The following ERBB4 variants were observed in gnomAD, a reference collection of about 807,000 sequenced individuals.
ERBB4 encodes the protein erb-b2 receptor tyrosine kinase 4.
ERBB4 carries 42 observed loss-of-function variants against 158.0 expected under a neutral mutation model. The observed-to-expected ratio is 0.27, with a 90% confidence interval of 0.21 to 0.34. The LOEUF (loss-of-function observed/expected upper bound fraction) is 0.34. Ranked by LOEUF, ERBB4 falls within the 10% of genes least tolerant of loss-of-function variation. The probability of loss-of-function intolerance (pLI) is 1.00; values close to 1 mark genes in which losing one functional copy is unlikely to be tolerated. For synonymous variants in ERBB4, 583 were observed against 558.7 expected, an observed-to-expected ratio of 1.04 and a Z score of -0.61; for missense variants, 1,333 against 1,624.1, an observed-to-expected ratio of 0.82 and a Z score of 3.08.
intron 19 of ERBB4, among the ~76,000 whole-genome samples, chr2:211,572,235 A>G (rs535972329): frequency 6.6e-6 from 1 of 152,218 alleles, no homozygotes; most frequent in African/African-American, 2.4e-5. Context: ...TTGACAACAT[A>G]GAGTCGTAAC....
At chr2:212,011,914 T>C in intron 2 of ERBB4, among the ~76,000 whole-genome samples, 1 of 152,234 alleles carries the variant, frequency 6.6e-6, no homozygotes. Context: ...ATTATAATTC[T>C]ATCATCTCCA....
chr2:211,674,215 T>C (rs10183152), intron 13 of ERBB4, among the ~76,000 whole-genome samples: 68,393 of 151,966 alleles, frequency 0.45, 16,232 homozygotes, highest in African/African-American at 0.54. Flanking sequence ...TGTTTAGCTA[T>C]TTTATTATTT....
At chr2:212,208,743 A>G (rs953730257) in intron 1 of ERBB4, among the ~76,000 whole-genome samples, 7 of 152,162 alleles carry the variant, frequency 4.6e-5, no homozygotes, top group Admixed American at 4.6e-4. Flanking sequence ...CAATTATGTC[A>G]ATTTAAACAA....
chr2:212,078,809 A>G (rs9973939), intron 2 of ERBB4, among the ~76,000 whole-genome samples: 79,737 of 150,928 alleles, frequency 0.53, 23,888 homozygotes, highest in East Asian at 0.93. Context: ...AAAGTAATTA[A>G]TACTATTAAT....
chr2:211,941,890 CAATGTGA>C (rs558223323), intron 3 of ERBB4, among the ~76,000 whole-genome samples: 30 of 152,126 alleles, frequency 2.0e-4, no homozygotes, highest in African/African-American at 6.0e-4. Context: ...TAAACACCCC[CAATGTGA>C]AAGATGCTTT....
chr2:211,875,040 A>AAAAAAAAAAAAAAAAAC (rs2078458710), intron 3 of ERBB4, among the ~76,000 whole-genome samples: 1 of 146,036 alleles, frequency 6.8e-6, no homozygotes, highest in South Asian at 2.2e-4. Context: ...AAAAAAAAAA[A>AAAAAAAAAAAAAAAAAC]AAAAAAAAAA....
intron 3 of ERBB4, among the ~76,000 whole-genome samples, chr2:211,875,088 C>A (rs1440018936): frequency 2.4e-5 from 3 of 124,058 alleles, no homozygotes; most frequent in African/African-American, 6.2e-5. Context: ...AAGGAACATG[C>A]AGATAACGTT....
chr2:211,645,270 CAGAG>C (rs563814182), intron 16 of ERBB4, among the ~76,000 whole-genome samples: 87 of 151,614 alleles, frequency 5.7e-4, no homozygotes, highest in African/African-American at 2.1e-3. Flanking sequence ...GAGACAGAGA[CAGAG>C]AGAGAGAAAG....
intron 2 of ERBB4, among the ~76,000 whole-genome samples, chr2:212,035,206 A>G (rs537855258): frequency 1.4e-4 from 22 of 152,328 alleles, no homozygotes; most frequent in African/African-American, 4.6e-4. Context: ...GTTCCTATAG[A>G]ATAAAGTCCA....
chr2:211,498,462 A>G (rs572145524), intron 20 of ERBB4, among the ~76,000 whole-genome samples: 1 of 152,272 alleles, frequency 6.6e-6, no homozygotes, highest in East Asian at 1.9e-4. Context: ...ATCTTATCAG[A>G]ACAAGCTGCT....
At chr2:211,956,265 G>A (rs1189692139) in intron 2 of ERBB4, among the ~76,000 whole-genome samples, 2 of 152,086 alleles carry the variant, frequency 1.3e-5, no homozygotes, top group Non-Finnish European at 2.9e-5. Flanking sequence ...TGCAAAAATA[G>A]TAAGAATGTT....
intron 3 of ERBB4, among the ~76,000 whole-genome samples, chr2:211,848,820 T>C (rs1470963072): frequency 6.6e-6 from 1 of 151,970 alleles, no homozygotes; most frequent in Non-Finnish European, 1.5e-5. Context: ...GAATAACAAA[T>C]AGAATATATC....
At chr2:211,850,308 A>C (rs2106029771) in intron 3 of ERBB4, among the ~76,000 whole-genome samples, 1 of 151,984 alleles carries the variant, frequency 6.6e-6, no homozygotes, top group African/African-American at 2.4e-5. Context: ...TTATTCTCTA[A>C]GAAGCAGTAT....
chr2:211,911,031 G>C (rs2079528361), intron 3 of ERBB4, among the ~76,000 whole-genome samples: 1 of 152,102 alleles, frequency 6.6e-6, no homozygotes, highest in Non-Finnish European at 1.5e-5. Context: ...ATGTTTATGA[G>C]AACAAAATAC....
chr2:211,709,091 C>T (rs1255356406), intron 9 of ERBB4, among the ~76,000 whole-genome samples: 1 of 152,052 alleles, frequency 6.6e-6, no homozygotes, highest in East Asian at 1.9e-4. Context: ...AAGTGGTATT[C>T]TTCCCATAAA....
intron 1 of ERBB4, among the ~76,000 whole-genome samples, chr2:212,216,624 A>G (rs2083107785): frequency 1.3e-5 from 2 of 151,410 alleles, no homozygotes. Context: ...AATATACACA[A>G]AAAAAGAAAA....
chr2:212,435,621 T>C (rs2092120467), intron 1 of ERBB4, among the ~76,000 whole-genome samples: 1 of 151,902 alleles, frequency 6.6e-6, no homozygotes. Flanking sequence ...AAAACATTAA[T>C]AAAGCCAATG....
chr2:212,105,404 T>C (rs2079196109), intron 2 of ERBB4, among the ~76,000 whole-genome samples: 1 of 152,210 alleles, frequency 6.6e-6, no homozygotes, highest in South Asian at 2.1e-4. Flanking sequence ...CTCAGCTCTG[T>C]GTTTCTATAT....
At chr2:211,560,200 A>T (rs1435217595) in intron 20 of ERBB4, among the ~76,000 whole-genome samples, 1 of 151,660 alleles carries the variant, frequency 6.6e-6, no homozygotes, top group Non-Finnish European at 1.5e-5. Flanking sequence ...CCTTAAGGAC[A>T]AAACCTAAAT....
Sources: allele counts gnomAD v4.1 joint callset (sites outside exome capture counted in the v4.1 genomes callset), GRCh38; gene constraint gnomAD v4.1.1; transcripts MANE v1.5; gene names NCBI Gene and HGNC (gene_info 2026-07-23, HGNC 2026-07-21).